Variants in GLT8D1 observed in about 807,000 individuals in gnomAD.
GLT8D1 encodes glycosyltransferase 8 domain containing 1.
GLT8D1 carries 41 observed loss-of-function variants against 46.2 expected under a neutral mutation model. That is an observed-to-expected ratio of 0.89 (90% CI 0.69 to 1.15). The LOEUF is 1.15. GLT8D1 is among the 50% of genes most tolerant of loss of function. The pLI is 0.00. For synonymous variants in GLT8D1, 150 were observed against 154.2 expected, an observed-to-expected ratio of 0.97 and a Z score of 0.20; for missense variants, 408 against 449.3, an observed-to-expected ratio of 0.91 and a Z score of 0.83.
Position 52,695,017 on chromosome 3 carries a change from C to T in GLT8D1, c.944G>A (p.Arg315Gln), listed in dbSNP as rs1484085009. ...AGCCTTTACAAACTGAGGTGAATAT[C>T]GTTTTCCAGCACTGGAACCTTACAT... ...VRHLGSSAGKRYSPQFVKAAK... is the reference protein window; with the variant it reads ...VRHLGSSAGKQYSPQFVKAAK... The change falls in exon 10 of 10, where the codon CGA becomes CAA. Residue 315 changes from arginine (R) to glutamine (Q), a missense_variant. Arg to Gln is a conservative substitution (Grantham distance 43). Transcript: ENST00000266014. The T allele has an allele frequency of 2.5e-6, 4 of 1,611,180 alleles. No homozygotes were observed. The highest frequency in any genetic ancestry group is 1.1e-5 in the South Asian group (1 of 91,028).
rs2097333028 is a variant in GLT8D1, at chr3:52,696,013, G to A, written c.560C>T (p.Ala187Val). 1.2e-6 allele frequency: 2 copies of A among 1,608,740 alleles called. No homozygotes were observed. The highest frequency in any genetic ancestry group is 1.3e-5 in the African/African-American group (1 of 74,834). ...QGDILALYNT[A>V]LKPGHAAAFS... is the part of the protein sequence containing the mutation. ...TGCAGCTGCATGTCCTGGCTTCAGT[G>A]CTGTATTGTAAAGGGCAAGAATATC... Residue 187 changes from alanine to valine, a missense_variant, in exon 7 of 10, where the codon GCA (alanine) becomes GTA (valine). Physicochemically the swap from Ala to Val is moderately conservative, Grantham distance 64 (BLOSUM62 0). Transcript: ENST00000266014.
chr3:52,696,469 A>G (rs1191766226), intron 5 of GLT8D1, 73 bp downstream of exon 5: 2 of 1,002,012 alleles, frequency 2.0e-6, no homozygotes, highest in East Asian at 2.4e-5. Flanking sequence ...TACTTGCACT[A>G]TACCCACAGA....
At position 52,697,874 on chromosome 3, in the gene GLT8D1, A is replaced by G. The variant is rs747852018; in HGVS notation, c.176T>C (p.Val59Ala). The G allele has an allele frequency of 4.3e-6, 7 of 1,613,852 alleles. No individual in the cohort carries two copies. The highest frequency in any genetic ancestry group is 5.9e-6 in the Non-Finnish European group (7 of 1,179,716). The change falls in exon 4 of 10, where the codon GTA becomes GCA. Residue 59 changes from valine to alanine, a missense_variant. By Grantham distance (64) the Val-to-Ala change is moderately conservative. Transcript: ENST00000266014. ...DFVPNALRHA[V>A]DGRQEEIPVV... ...AGGAATCTCCTCTTGTCTCCCATCT[A>G]CTGCATGTCGGAGAGCATTTGGGAC...
rs547346801 is a variant in GLT8D1 at position 52,695,586 on chromosome 3, T to C, written c.647A>G (p.Tyr216Cys). 36 of 1,573,970 alleles carry C rather than the reference T, an allele frequency of 2.3e-5. No individual in the cohort carries two copies. The highest frequency in any genetic ancestry group is 3.1e-5 in the Non-Finnish European group (35 of 1,144,400). Reference sequence around the variant, plus strand: ...ATAGTCAAGATAGCCAATGTAATTGTACTAAAAACACAAATAGGATATATG... The same window carrying C: ...ATAGTCAAGATAGCCAATGTAATTGCACTAAAAACACAAATAGGATATATG... ...KVVIRGAGNQ[Y>C]NYIGYLDYKK... Residue 216 changes from tyrosine (Y) to cysteine (C), a missense_variant and splice_region_variant, in exon 8 of 10, where the codon TAC becomes TGC. By Grantham distance (194) the Tyr-to-Cys change is radical. Transcript: ENST00000266014.
intron 3 of GLT8D1, 67 bp from the exon 4 acceptor site, chr3:52,698,001 G>C (rs2097335653): frequency 1.0e-6 from 1 of 961,784 alleles, no homozygotes; most frequent in Non-Finnish European, 1.7e-6. Context: ...CCAAGACATG[G>C]AAAAAGGGAA....
In GLT8D1 at chr3:52,704,284, C is replaced by A. The variant is rs539340793; in HGVS notation, c.-37+1163G>T. Among the ~76,000 whole-genome samples the A allele has an allele frequency of 4.0e-5, 6 of 151,694 alleles. No individual in the cohort carries two copies. In the East Asian group the frequency reaches 1.2e-3, roughly 29 times the overall value. ...GACTAGTCTGGCCAACACAGTGAAA[C>A]CCCGTCTCCACTAAAATCACAAAAA... is the stretch of plus-strand genomic sequence containing the variant. On this transcript the variant is annotated intron_variant, in intron 1 of 9. Coordinates refer to ENST00000266014, the MANE Select transcript of GLT8D1 (RefSeq NM_018446.4).
Position 52,694,975 on chromosome 3 carries a change from C to T in GLT8D1, c.986G>A (p.Trp329Ter), listed in dbSNP as rs1422558304. 1 of 1,611,026 alleles carries T rather than the reference C, an allele frequency of 6.2e-7. No individual in the cohort carries two copies. Among genetic ancestry groups the T allele is most frequent in the Non-Finnish European group, 8.5e-7 (1 of 1,177,206 alleles). The change falls in exon 10 of 10, where the codon TGG (tryptophan) becomes TAG (stop). Residue 329 changes from tryptophan (W) to a stop codon, truncating the protein, a stop_gained. Coordinates refer to ENST00000266014, the MANE Select transcript of GLT8D1 (RefSeq NM_018446.4). LOFTEE classifies it high-confidence loss of function. ...QFVKAAKLLH[W>*]NGHLKPWGRT... is the part of the protein sequence containing the mutation. ...TCCCCATGGCTTCAAATGTCCATTC[C>T]AATGGAGTAACTTGGCAGCCTTTAC...
intron 3 of GLT8D1, among the ~76,000 whole-genome samples, chr3:52,698,833 A>G (rs1439546184): frequency 3.3e-5 from 5 of 151,722 alleles, no homozygotes; most frequent in Admixed American, 6.6e-5. Context: ...GTGCCAGGCA[A>G]TATCTAGGCA....
At position 52,699,697 on chromosome 3, in the gene GLT8D1, T is replaced by C. The variant is rs145912171; in HGVS notation, c.115+565A>G. On this transcript the variant is annotated intron_variant, in intron 3 of 9. Transcript: ENST00000266014. ...AACATGCATTACTTTATATGTATCATACATATATACACGTGATAAAACATG... is the reference window on the plus strand; with the variant it reads ...AACATGCATTACTTTATATGTATCACACATATATACACGTGATAAAACATG... Among the ~76,000 whole-genome samples the C allele has an allele frequency of 1.3e-3, 193 of 152,300 alleles. 5 individuals carry two copies. In the East Asian group the frequency reaches 0.032, roughly 25 times the overall value.
chr3:52,695,026 G>T lies in GLT8D1; in HGVS notation c.935C>A (p.Ala312Asp). The change falls in exon 10 of 10, where the codon GCT becomes GAT. Residue 312 changes from alanine (A) to aspartate (D), a missense_variant. Physicochemically the swap from Ala to Asp is moderately radical, Grantham distance 126. Transcript: ENST00000266014. ...MWNVRHLGSS[A>D]GKRYSPQFVK... is the part of the protein sequence containing the mutation. ...AAACTGAGGTGAATATCGTTTTCCA[G>T]CACTGGAACCTTACATTTGAGACAA... 6.2e-7 allele frequency: 1 copy of T among 1,609,082 alleles called. No individual in the cohort carries two copies. The highest frequency in any genetic ancestry group is 8.5e-7 in the Non-Finnish European group (1 of 1,175,400).
chr3:52,695,862 C>A, intron 7 of GLT8D1, 66 bp downstream of exon 7: 1 of 958,692 alleles, frequency 1.0e-6, no homozygotes, highest in Non-Finnish European at 1.7e-6. Context: ...AAAGAGTTCC[C>A]TGAATTTGCA....
In GLT8D1 at chr3:52,694,668, A is replaced by G; in HGVS notation, c.*177T>C. On this transcript the variant is annotated 3_prime_UTR_variant, in exon 10 of 10. Transcript: ENST00000266014. ...GCAGATGGAGACATATTTATAGTCT[A>G]TAGTCTGTCTGGGAAGCTGACTGCC... The G allele has an allele frequency of 1.5e-6, 1 of 655,914 alleles. No individual in the cohort carries two copies. Among genetic ancestry groups the G allele is most frequent in the Admixed American group, 2.2e-5 (1 of 45,790 alleles). The allele number at this position is 655,914 out of a possible 1,614,324, so 40.6% of individuals were successfully genotyped here.
At chr3:52,704,701 G>GAT (rs1025241535) in intron 1 of GLT8D1, 2 of 152,238 alleles carry the variant, frequency 1.3e-5, no homozygotes, top group African/African-American at 4.8e-5. Context: ...GGGCACTGAG[G>GAT]ATATACAAAC....
chr3:52,694,747 G>A lies in GLT8D1; in HGVS notation c.*98C>T, dbSNP rs762565531. The A allele has an allele frequency of 3.6e-6, 3 of 831,704 alleles. No individual in the cohort carries two copies. Among genetic ancestry groups the A allele is most frequent in the Non-Finnish European group, 6.2e-6 (3 of 484,950 alleles). 51.5% of individuals were successfully genotyped at this position (831,704 alleles called of 1,614,324 possible). On this transcript the variant is annotated 3_prime_UTR_variant, in exon 10 of 10. Transcript: ENST00000266014. ...GCTGACACATCTTTTTCCATGGCTT[G>A]CTACCGATAGGCATTGAAGCCTAGC...
intron 4 of GLT8D1, 47 bp from the exon 5 acceptor site, chr3:52,696,706 A>G (rs747477565): frequency 9.7e-7 from 1 of 1,027,410 alleles, no homozygotes; most frequent in Non-Finnish European, 1.5e-6. Flanking sequence ...AATGTCTCCA[A>G]ACCAATGAGG....
At chr3:52,696,075 G>A (rs754787642) in intron 6 of GLT8D1, 35 bp from the exon 7 acceptor site, 145 of 1,413,326 alleles carry the variant, frequency 1.0e-4, no homozygotes, top group Non-Finnish European at 1.3e-4. Context: ...TTACATTTCC[G>A]TTGCCTTGAG....
intron 1 of GLT8D1, among the ~76,000 whole-genome samples, chr3:52,701,657 A>ACG (rs2097339528): frequency 6.6e-6 from 1 of 152,126 alleles, no homozygotes; most frequent in African/African-American, 2.4e-5. Context: ...GTGAGCCACC[A>ACG]CGCCCGGCCA....
chr3:52,697,685 ATCC>A, intron 4 of GLT8D1, 33 bp downstream of exon 4: 1 of 1,415,574 alleles, frequency 7.1e-7, no homozygotes, highest in South Asian at 1.1e-5. Flanking sequence ...GCTCTAAATC[ATCC>A]TCTAGAAGCA....
chr3:52,696,713 G>C, intron 4 of GLT8D1, 54 bp from the exon 5 acceptor site: 1 of 979,614 alleles, frequency 1.0e-6, no homozygotes, highest in East Asian at 2.4e-5. Context: ...CCAAACCAAT[G>C]AGGGAATAAT....
Sources: gnomAD v4.1 joint callset for allele counts (sites outside exome capture counted in the v4.1 genomes callset) on GRCh38, gnomAD v4.1.1 for gene constraint, MANE v1.5 for transcripts, NCBI Gene and HGNC (gene_info 2026-07-23, HGNC 2026-07-21) for gene names.